The following LGSN variants were observed in gnomAD, a reference collection of about 807,000 sequenced individuals.
The protein encoded by LGSN is lengsin.
Under a neutral mutation model 19.5 loss-of-function variants are expected in LGSN, and 21 were observed. The ratio of observed to expected loss-of-function variants is 1.07; its 90% CI spans 0.76 to 1.55. The LOEUF (loss-of-function observed/expected upper bound fraction) is 1.55. Ranked by LOEUF, LGSN falls within the 40% of genes most tolerant of loss-of-function variation. The pLI is 0.00. For missense variants in LGSN, 673 were observed against 608.5 expected (o/e 1.11, Z -1.12); for synonymous variants, 257 against 215.6 (o/e 1.19, Z -1.68).
At chr6:63,335,713 T>C in the LGSN span, among the ~76,000 whole-genome samples, 32 of 152,238 alleles carry the variant, frequency 2.1e-4, no homozygotes, top group African/African-American at 7.7e-4. Context: ...ACACTGTTAG[T>C]GGAAACGTAA....
the LGSN span, among the ~76,000 whole-genome samples, chr6:63,362,190 G>A: frequency 2.0e-5 from 3 of 152,098 alleles, no homozygotes; most frequent in African/African-American, 7.2e-5. Flanking sequence ...TAAGTAGAAG[G>A]AGTATACTCT....
the LGSN span, among the ~76,000 whole-genome samples, chr6:63,534,142 C>T: frequency 6.6e-6 from 1 of 151,476 alleles, no homozygotes; most frequent in African/African-American, 2.4e-5. Context: ...AGTGCCCAGC[C>T]GAACAAACAT....
chr6:63,299,441 G>C (rs1352974837), intron 1 of LGSN, among the ~76,000 whole-genome samples: 1 of 152,130 alleles, frequency 6.6e-6, no homozygotes. Flanking sequence ...TTGAGCAAAA[G>C]ATGGTACAAT....
At chr6:63,339,218 T>G in the LGSN span, among the ~76,000 whole-genome samples, 2 of 152,174 alleles carry the variant, frequency 1.3e-5, no homozygotes, top group Non-Finnish European at 2.9e-5. Context: ...TTAAGTCTGA[T>G]GTTTCTTTGT....
chr6:63,307,722 G>A (rs1243148655), intron 1 of LGSN, among the ~76,000 whole-genome samples: 1 of 152,144 alleles, frequency 6.6e-6, no homozygotes. Flanking sequence ...ATATTGCCTG[G>A]GCACTATGCA....
chr6:63,338,846 C>T, the LGSN span, among the ~76,000 whole-genome samples: 68 of 152,212 alleles, frequency 4.5e-4, no homozygotes, highest in African/African-American at 1.6e-3. Context: ...TGCTGTATTT[C>T]ATAGGATTTG....
chr6:63,347,139 G>A, the LGSN span, among the ~76,000 whole-genome samples: 450 of 152,282 alleles, frequency 3.0e-3, 3 homozygotes, highest in African/African-American at 0.01. Flanking sequence ...GAATTAGTAT[G>A]TGGGGAAAAA....
chr6:63,554,294 A>T, the LGSN span, among the ~76,000 whole-genome samples: 1 of 152,336 alleles, frequency 6.6e-6, no homozygotes, highest in Admixed American at 6.5e-5. Flanking sequence ...GTATATGAAA[A>T]GCATTCTATT....
chr6:63,541,352 AG>A, the LGSN span, among the ~76,000 whole-genome samples: 1 of 152,090 alleles, frequency 6.6e-6, no homozygotes, highest in South Asian at 2.1e-4. Flanking sequence ...CAGGAGTTCA[AG>A]AGCAGCCTGG....
At chr6:63,492,320 T>C in the LGSN span, among the ~76,000 whole-genome samples, 2 of 152,096 alleles carry the variant, frequency 1.3e-5, no homozygotes, top group Non-Finnish European at 2.9e-5. Flanking sequence ...GCAGCTGTTA[T>C]ATAAGCTTAT....
At chr6:63,432,161 G>GAA in the LGSN span, among the ~76,000 whole-genome samples, 5 of 81,164 alleles carry the variant, frequency 6.2e-5, 1 homozygote, top group African/African-American at 2.5e-4. Context: ...AAGAAAGAAA[G>GAA]AAAGAAAGAA....
At chr6:63,312,203 C>A (rs1176574501) in intron 1 of LGSN, among the ~76,000 whole-genome samples, 1 of 152,100 alleles carries the variant, frequency 6.6e-6, no homozygotes, top group African/African-American at 2.4e-5. Context: ...TCATCTATTG[C>A]CAGATGCTTA....
At chr6:63,490,005 G>T in the LGSN span, among the ~76,000 whole-genome samples, 4 of 152,124 alleles carry the variant, frequency 2.6e-5, no homozygotes, top group African/African-American at 9.7e-5. Context: ...ACTGCACCTG[G>T]CGCCTGTATT....
At chr6:63,527,037 T>C in the LGSN span, among the ~76,000 whole-genome samples, 3 of 152,072 alleles carry the variant, frequency 2.0e-5, no homozygotes, top group Non-Finnish European at 2.9e-5. Context: ...ACCTTATATA[T>C]GTATTTCTAC....
At chr6:63,486,809 T>A in the LGSN span, among the ~76,000 whole-genome samples, 1 of 147,220 alleles carries the variant, frequency 6.8e-6, no homozygotes, top group African/African-American at 2.6e-5. Flanking sequence ...CCTCAGTTTT[T>A]GTATGTTTAT....
At chr6:63,555,174 T>A in the LGSN span, among the ~76,000 whole-genome samples, 1 of 152,192 alleles carries the variant, frequency 6.6e-6, no homozygotes, top group Non-Finnish European at 1.5e-5. Flanking sequence ...TCAAAGAAGA[T>A]CTAGTTGGCT....
chr6:63,356,770 A>G, the LGSN span, among the ~76,000 whole-genome samples: 1 of 152,126 alleles, frequency 6.6e-6, no homozygotes, highest in African/African-American at 2.4e-5. Flanking sequence ...AACATGACCA[A>G]TTGTCTTCCA....
chr6:63,428,084 C>T, the LGSN span, among the ~76,000 whole-genome samples: 1 of 152,140 alleles, frequency 6.6e-6, no homozygotes, highest in African/African-American at 2.4e-5. Flanking sequence ...TGTGATTTTC[C>T]TCATGCTGAG....
intron 2 of LGSN, among the ~76,000 whole-genome samples, chr6:63,286,014 G>A (rs1025431824): frequency 2.0e-5 from 3 of 152,028 alleles, no homozygotes; most frequent in Admixed American, 1.3e-4. Flanking sequence ...AGGATATAGC[G>A]ATATCATACG....
Sources: allele counts gnomAD v4.1 joint callset (sites outside exome capture counted in the v4.1 genomes callset), GRCh38; gene constraint gnomAD v4.1.1; transcripts MANE v1.5; gene names NCBI Gene and HGNC (gene_info 2026-07-23, HGNC 2026-07-21).